The following CDH20 variants were observed in gnomAD, a reference collection of about 807,000 sequenced individuals.
The protein encoded by CDH20 is cadherin-20.
A neutral mutation model predicts 74.2 loss-of-function variants in CDH20; 29 were observed. The observed-to-expected ratio is 0.39, with a 90% CI of 0.29 to 0.53. The LOEUF is 0.53. CDH20 is among the 20% of genes least tolerant of loss of function. CDH20 has a pLI of 0.69. For missense variants in CDH20, 988 were observed against 1,048.3 expected (o/e 0.94, Z 0.79); for synonymous variants, 469 against 405.4 (o/e 1.16, Z -1.88).
At chr18:61,447,434 G>T (rs1347874409) in intron 1 of CDH20, among the ~76,000 whole-genome samples, 2 of 152,152 alleles carry the variant, frequency 1.3e-5, no homozygotes, top group African/African-American at 4.8e-5. Context: ...TGTGGTAAGG[G>T]TGGACTCTTG....
At chr18:61,507,022 G>A (rs193268771) in intron 5 of CDH20, among the ~76,000 whole-genome samples, 15 of 152,294 alleles carry the variant, frequency 9.8e-5, no homozygotes, top group African/African-American at 3.4e-4. Context: ...CTCTCAGAAG[G>A]AACTGCAATT....
chr18:61,424,589 T>C (rs1913005280), intron 1 of CDH20, among the ~76,000 whole-genome samples: 1 of 152,256 alleles, frequency 6.6e-6, no homozygotes, highest in Non-Finnish European at 1.5e-5. Flanking sequence ...CTAGAATTTG[T>C]ATGTACTAAT....
intron 1 of CDH20, among the ~76,000 whole-genome samples, chr18:61,458,650 G>A (rs2332330): frequency 0.55 from 83,105 of 152,034 alleles, 23,899 homozygotes; most frequent in African/African-American, 0.73. Context: ...CTGAACAGAC[G>A]CTAAAGGGCC....
chr18:61,414,818 T>A (rs1599069142), intron 1 of CDH20, among the ~76,000 whole-genome samples: 1 of 152,042 alleles, frequency 6.6e-6, no homozygotes, highest in East Asian at 1.9e-4. Context: ...TATAATTGGA[T>A]AGAATATAAA....
chr18:61,512,526 C>T (rs879384222), intron 6 of CDH20, among the ~76,000 whole-genome samples: 4 of 151,570 alleles, frequency 2.6e-5, no homozygotes, highest in Non-Finnish European at 5.9e-5. Context: ...AGTTTAGTGT[C>T]TATAAAGTAC....
chr18:61,550,220 G>T lies in CDH20; in HGVS notation c.1891G>T (p.Val631Phe). ...CATTGCCATCCTCGCCTGCATCTTTGTCCTCTTAGGTGAGTAAGGGGCTGC... is the reference window on the plus strand; with the variant it reads ...CATTGCCATCCTCGCCTGCATCTTTTTCCTCTTAGGTGAGTAAGGGGCTGC... ...ALIAILACIFVLLVLVLLILS... is the reference protein window; with the variant it reads ...ALIAILACIFFLLVLVLLILS... The change falls in exon 11 of 12, where the codon GTC (valine) becomes TTC (phenylalanine). Residue 631 changes from valine to phenylalanine, a missense_variant. Val to Phe is a conservative substitution (Grantham distance 50). Around this residue, in one of 2 missense-constraint regions of CDH20, gnomAD observed 375 missense variants for 293.1 expected, o/e 1.28. Coordinates refer to ENST00000262717, the MANE Select transcript of CDH20 (RefSeq NM_031891.4). The T allele has an allele frequency of 6.2e-7, 1 of 1,613,138 alleles. No homozygotes were observed. Among genetic ancestry groups the T allele is most frequent in the Non-Finnish European group, 8.5e-7 (1 of 1,179,574 alleles).
rs113973525 is a variant in CDH20, at chr18:61,430,070, C to CTT, written c.-152-60321_-152-60320dup. 5.9e-3 allele frequency among the ~76,000 whole-genome samples: 845 copies of CTT among 142,086 alleles called. 10 individuals are homozygous for CTT. The highest frequency in any genetic ancestry group is 0.021 in the African/African-American group (814 of 38,880). The allele number at this position is 142,086 out of a possible 152,430, so 93.2% of individuals were successfully genotyped here. A position where few individuals can be genotyped will look rare whatever the true frequency, so the allele number is the denominator to read the frequency against. ...ACCAGAGTAGAATATCCACTCCTGGCTTTTTTTTTTTTCATTGTCCCCTTA... is the reference window on the plus strand; with the variant it reads ...ACCAGAGTAGAATATCCACTCCTGGCTTTTTTTTTTTTTTCATTGTCCCCTTA... On this transcript the variant is annotated intron_variant, in intron 1 of 11. Coordinates refer to ENST00000262717, the MANE Select transcript of CDH20 (RefSeq NM_031891.4).
intron 1 of CDH20, among the ~76,000 whole-genome samples, chr18:61,454,068 C>A (rs1464071899): frequency 2.6e-5 from 4 of 152,116 alleles, no homozygotes; most frequent in Admixed American, 6.6e-5. Flanking sequence ...TGATGTTTAA[C>A]ATCTTTTCAA....
At chr18:61,537,118 T>C (rs984211924) in intron 8 of CDH20, among the ~76,000 whole-genome samples, 1 of 152,084 alleles carries the variant, frequency 6.6e-6, no homozygotes, top group Admixed American at 6.6e-5. Flanking sequence ...GATTAATAAC[T>C]ACATTAATAT....
intron 1 of CDH20, among the ~76,000 whole-genome samples, chr18:61,454,241 C>T (rs568007237): frequency 3.3e-5 from 5 of 152,136 alleles, no homozygotes; most frequent in African/African-American, 1.2e-4. Context: ...ATCTTTTATC[C>T]CGCTCTGTTA....
At chr18:61,507,129 G>T (rs1376478039) in intron 5 of CDH20, among the ~76,000 whole-genome samples, 1 of 152,164 alleles carries the variant, frequency 6.6e-6, no homozygotes, top group Non-Finnish European at 1.5e-5. Context: ...AAGTCGTTTT[G>T]CTTTCACCCT....
chr18:61,438,122 A>C (rs573605997), intron 1 of CDH20, among the ~76,000 whole-genome samples: 1 of 152,192 alleles, frequency 6.6e-6, no homozygotes, highest in African/African-American at 2.4e-5. Flanking sequence ...ATTCAAACTT[A>C]CTATGTCTCA....
At chr18:61,462,036 C>T (rs1909797014) in intron 1 of CDH20, among the ~76,000 whole-genome samples, 1 of 152,066 alleles carries the variant, frequency 6.6e-6, no homozygotes, top group East Asian at 1.9e-4. Flanking sequence ...ATAGGAGTAC[C>T]AATCAGAGGT....
intron 1 of CDH20, among the ~76,000 whole-genome samples, chr18:61,411,474 A>G (rs1343313844): frequency 6.6e-6 from 1 of 152,176 alleles, no homozygotes; most frequent in Non-Finnish European, 1.5e-5. Context: ...TAACAGCACA[A>G]TTCGCAATTG....
intron 1 of CDH20, among the ~76,000 whole-genome samples, chr18:61,462,768 T>C (rs541393377): frequency 4.9e-5 from 7 of 142,138 alleles, no homozygotes; most frequent in Middle Eastern, 4.1e-3. Context: ...GCAGCACCAA[T>C]AATAAGGGCT....
chr18:61,555,338 T>A lies in CDH20; in HGVS notation c.*643T>A. ...TGACTTTATGCTCAAGTTTAGTGGC[T>A]GAACCAAGAGATGTTGGCATTACAG... is the stretch of plus-strand genomic sequence containing the variant. On this transcript the variant is annotated 3_prime_UTR_variant, in exon 12 of 12. Coordinates refer to ENST00000262717, the MANE Select transcript of CDH20 (RefSeq NM_031891.4). 1 of 985,600 alleles carries A rather than the reference T, an allele frequency of 1.0e-6. No homozygotes were observed. Among genetic ancestry groups the A allele is most frequent in the African/African-American group, 1.7e-5 (1 of 57,370 alleles). 61.1% of individuals were successfully genotyped at this position (985,600 alleles called of 1,614,324 possible). A position where few individuals can be genotyped will look rare whatever the true frequency, so the allele number is the denominator to read the frequency against.
chr18:61,403,170 A>G (rs1318547431), intron 1 of CDH20, among the ~76,000 whole-genome samples: 3 of 152,192 alleles, frequency 2.0e-5, no homozygotes, highest in East Asian at 3.9e-4. Flanking sequence ...AAGGGAAACA[A>G]TTATGAACTC....
chr18:61,505,063 G>C (rs72993757), intron 5 of CDH20, among the ~76,000 whole-genome samples: 15,799 of 152,138 alleles, frequency 0.1, 1,007 homozygotes, highest in Middle Eastern at 0.17. Context: ...ACTTCATGAA[G>C]GGCTCATATT....
At chr18:61,465,291 A>T (rs1476826344) in intron 1 of CDH20, among the ~76,000 whole-genome samples, 1 of 152,168 alleles carries the variant, frequency 6.6e-6, no homozygotes, top group Non-Finnish European at 1.5e-5. Context: ...ACAGCACCAA[A>T]TCTATTAACT....
Sources: gnomAD v4.1 joint callset for allele counts (sites outside exome capture counted in the v4.1 genomes callset) on GRCh38, gnomAD v4.1.1 for gene constraint, gnomAD v4.1.1 regional missense constraint, MANE v1.5 for transcripts, NCBI Gene and HGNC (gene_info 2026-07-23, HGNC 2026-07-21) for gene names.